SYTL3: variants seen among roughly 807,000 people sequenced by gnomAD.
SYTL3 encodes synaptotagmin like 3, also known as synaptotagmin-like protein 3.
A neutral mutation model predicts 82.1 loss-of-function variants in SYTL3; 88 were observed. The observed-to-expected ratio is 1.07, with a 90% CI of 0.90 to 1.28. The LOEUF is 1.28. Among genes scored for constraint, SYTL3 ranks in the 50% most tolerant of loss-of-function variants. The pLI, the probability that SYTL3 is intolerant of heterozygous loss-of-function variation, is 0.00. For missense variants in SYTL3, 831 were observed against 757.6 expected, an observed-to-expected ratio of 1.10 and a Z score of -1.14; for synonymous variants, 311 against 289.4, an observed-to-expected ratio of 1.07 and a Z score of -0.76.
At chr6:158,697,265 C>A (rs1780652092) in intron 6 of SYTL3, among the ~76,000 whole-genome samples, 1 of 144,084 alleles carries the variant, frequency 6.9e-6, no homozygotes, top group Non-Finnish European at 1.5e-5. Flanking sequence ...ATGGTGAAAC[C>A]CCATCTCTAC....
intron 2 of SYTL3, among the ~76,000 whole-genome samples, chr6:158,656,874 C>T (rs937555629): frequency 1.3e-5 from 2 of 152,188 alleles, no homozygotes; most frequent in African/African-American, 4.8e-5. Context: ...TTGACTACCT[C>T]ATGTTCTACT....
At chr6:158,756,021 A>G (rs1425591950) in intron 13 of SYTL3, among the ~76,000 whole-genome samples, 1 of 152,214 alleles carries the variant, frequency 6.6e-6, no homozygotes, top group Non-Finnish European at 1.5e-5. Context: ...TAAAAAGATC[A>G]ATGCATCTAG....
intron 4 of SYTL3, 102 bp downstream of exon 4, chr6:158,663,480 C>T (rs1789614507): frequency 2.6e-6 from 4 of 1,516,638 alleles, no homozygotes; most frequent in Non-Finnish European, 3.5e-6. Context: ...TCACTACCCA[C>T]CTGCTGCTGG....
rs138944831 is a variant in SYTL3 at position 158,707,397 on chromosome 6, TC to T, written c.446+117del. 1.7e-4 allele frequency: 119 copies of T among 699,788 alleles called. No individual in the cohort carries two copies. In the African/African-American group the frequency reaches 2.0e-3, roughly 12 times the overall value. The allele number at this position is 699,788 out of a possible 1,614,324, so 43.3% of individuals were successfully genotyped here. ...ACATGTCACTGCTTTGGAATGTGAC[TC>T]TTTTTTTTTTTTTTCTTTTAAAGAT... is the stretch of plus-strand genomic sequence containing the variant. On this transcript the variant is annotated intron_variant, in intron 7 of 17. Coordinates refer to ENST00000611299, the MANE Select transcript of SYTL3 (RefSeq NM_001242394.2).
chr6:158,729,566 C>CT (rs34172320), intron 11 of SYTL3, among the ~76,000 whole-genome samples: 2,752 of 132,862 alleles, frequency 0.021, 54 homozygotes, highest in African/African-American at 0.049. Flanking sequence ...CTTTCTTTTT[C>CT]TTTTTTTTTT....
intron 6 of SYTL3, among the ~76,000 whole-genome samples, chr6:158,703,942 C>T (rs1224440932): frequency 6.6e-6 from 1 of 151,324 alleles, no homozygotes; most frequent in Non-Finnish European, 1.5e-5. Context: ...TGAGTTCAGC[C>T]TCCCGAGTAG....
At chr6:158,760,791 C>T in intron 15 of SYTL3, 46 bp downstream of exon 15, 5 of 1,485,498 alleles carry the variant, frequency 3.4e-6, no homozygotes, top group South Asian at 1.1e-5. Context: ...TCATTGTCTG[C>T]AGAGCCTGGT....
chr6:158,738,576 A>G (rs1786505446), intron 11 of SYTL3, among the ~76,000 whole-genome samples: 1 of 152,146 alleles, frequency 6.6e-6, no homozygotes, highest in African/African-American at 2.4e-5. Context: ...AACACATTCA[A>G]GTCTCCTGTA....
At chr6:158,686,192 G>A (rs1405620043) in intron 6 of SYTL3, among the ~76,000 whole-genome samples, 4 of 152,208 alleles carry the variant, frequency 2.6e-5, no homozygotes, top group African/African-American at 9.7e-5. Context: ...GGAAAGAGGT[G>A]AGACTGATGT....
In SYTL3 at chr6:158,736,494, T is replaced by C. The variant is rs9364992; in HGVS notation, c.856-8986T>C. 1.9e-3 allele frequency among the ~76,000 whole-genome samples: 282 copies of C among 152,046 alleles called. 7 individuals are homozygous for C. In the East Asian group the frequency reaches 0.046, roughly 25 times the overall value. Reference sequence around the variant, plus strand: ...ATTGTTTGGGGGATATATTCATGTATAATAAAACCATTGGCTGGATGCAGT... The same window carrying C: ...ATTGTTTGGGGGATATATTCATGTACAATAAAACCATTGGCTGGATGCAGT... On this transcript the variant is annotated intron_variant, in intron 11 of 17. Coordinates refer to ENST00000611299, the MANE Select transcript of SYTL3 (RefSeq NM_001242394.2).
At chr6:158,703,263 G>A (rs570976684) in intron 6 of SYTL3, among the ~76,000 whole-genome samples, 43 of 151,290 alleles carry the variant, frequency 2.8e-4, no homozygotes, top group African/African-American at 1.0e-3. Context: ...CTGCCAACCA[G>A]CCATGTGCCT....
intron 8 of SYTL3, among the ~76,000 whole-genome samples, chr6:158,710,388 A>G (rs1782622589): frequency 6.6e-6 from 1 of 152,196 alleles, no homozygotes; most frequent in South Asian, 2.1e-4. Context: ...AGATCTCAAG[A>G]AATTTTATCT....
chr6:158,756,567 C>A (rs898682587), intron 13 of SYTL3, among the ~76,000 whole-genome samples: 1 of 152,040 alleles, frequency 6.6e-6, no homozygotes, highest in East Asian at 1.9e-4. Flanking sequence ...AAAAAACAAG[C>A]CGGGCGTGGT....
chr6:158,668,019 A>G (rs1182887490), intron 5 of SYTL3, among the ~76,000 whole-genome samples: 1 of 152,226 alleles, frequency 6.6e-6, no homozygotes, highest in African/African-American at 2.4e-5. Flanking sequence ...TTAAAAGCAT[A>G]AAACAATCGT....
chr6:158,758,450 A>AT, intron 14 of SYTL3, among the ~76,000 whole-genome samples: 1 of 151,584 alleles, frequency 6.6e-6, no homozygotes, highest in South Asian at 2.1e-4. Context: ...AAAAAAAAAA[A>AT]AACCCAGCGG....
At chr6:158,753,870 G>C (rs1040134708) in intron 13 of SYTL3, among the ~76,000 whole-genome samples, 1 of 151,206 alleles carries the variant, frequency 6.6e-6, no homozygotes, top group African/African-American at 2.4e-5. Flanking sequence ...TTATAGTCCT[G>C]GGAAACTTTC....
intron 2 of SYTL3, among the ~76,000 whole-genome samples, chr6:158,658,037 C>T (rs1004815078): frequency 2.0e-5 from 3 of 152,090 alleles, no homozygotes; most frequent in Non-Finnish European, 2.9e-5. Flanking sequence ...GGACTACAGG[C>T]GCCTGCCACA....
chr6:158,715,632 C>G (rs1388918208), intron 9 of SYTL3, among the ~76,000 whole-genome samples: 1 of 113,728 alleles, frequency 8.8e-6, no homozygotes, highest in Admixed American at 8.4e-5. Context: ...CACCCAGCAC[C>G]CCCCATACCC....
chr6:158,761,947 C>A, intron 15 of SYTL3, 129 bp from the exon 16 acceptor site: 2 of 647,276 alleles, frequency 3.1e-6, no homozygotes, highest in Non-Finnish European at 5.4e-6. Flanking sequence ...GCACCACTCC[C>A]ATCTGCTCTC....
Sources: gnomAD v4.1 joint callset for allele counts (sites outside exome capture counted in the v4.1 genomes callset) on GRCh38, gnomAD v4.1.1 for gene constraint, MANE v1.5 for transcripts, NCBI Gene and HGNC (gene_info 2026-07-23, HGNC 2026-07-21) for gene names.